The following CEP70 variants were observed in gnomAD, a reference collection of about 807,000 sequenced individuals.
CEP70 encodes centrosomal protein 70, also known as centrosomal protein of 70 kDa.
In CEP70, 70 loss-of-function variants were observed where a neutral mutation model predicts 90.9. The ratio of observed to expected loss-of-function variants is 0.77; its 90% CI spans 0.64 to 0.94. The LOEUF (loss-of-function observed/expected upper bound fraction) is 0.94. Among genes scored for constraint, CEP70 ranks in the 40% least tolerant of loss-of-function variants. The pLI is 0.00. For synonymous variants in CEP70, 220 were observed against 228.3 expected, an observed-to-expected ratio of 0.96 and a Z score of 0.33; for missense variants, 648 against 669.0, an observed-to-expected ratio of 0.97 and a Z score of 0.35.
intron 6 of CEP70, among the ~76,000 whole-genome samples, chr3:138,544,556 T>C (rs183846443): frequency 3.6e-4 from 55 of 152,222 alleles, no homozygotes; most frequent in Admixed American, 3.3e-3. Flanking sequence ...TGTGTGTATA[T>C]ATATACACAC....
intron 11 of CEP70, among the ~76,000 whole-genome samples, chr3:138,521,674 G>A (rs989671161): frequency 1.3e-5 from 2 of 149,438 alleles, no homozygotes; most frequent in African/African-American, 2.5e-5. Flanking sequence ...GAACTGAGGA[G>A]CGCCTCTGCC....
At chr3:138,541,153 G>A (rs1024496536) in intron 6 of CEP70, among the ~76,000 whole-genome samples, 1 of 152,150 alleles carries the variant, frequency 6.6e-6, no homozygotes, top group African/African-American at 2.4e-5. Context: ...CCTGGGTGAT[G>A]AAATAATCTG....
At chr3:138,566,707 G>A (rs958943858) in intron 6 of CEP70, among the ~76,000 whole-genome samples, 3 of 151,952 alleles carry the variant, frequency 2.0e-5, no homozygotes, top group African/African-American at 7.3e-5. Flanking sequence ...AATACCTAAT[G>A]TAGATGACGG....
At chr3:138,504,285 C>G (rs984096206) in intron 13 of CEP70, among the ~76,000 whole-genome samples, 3 of 152,152 alleles carry the variant, frequency 2.0e-5, no homozygotes, top group Admixed American at 1.3e-4. Flanking sequence ...TATTGTATAG[C>G]TCTGTCTGAG....
At chr3:138,523,175 C>T (rs200524493) in intron 11 of CEP70, among the ~76,000 whole-genome samples, 1 of 117,958 alleles carries the variant, frequency 8.5e-6, no homozygotes, top group African/African-American at 5.3e-5. Flanking sequence ...AATTCAACAA[C>T]CCTTCATGCT....
intron 6 of CEP70, 146 bp downstream of exon 6, chr3:138,570,172 A>C (rs2041066421): frequency 3.7e-6 from 2 of 546,318 alleles, no homozygotes; most frequent in Non-Finnish European, 6.4e-6. Context: ...GACATTCTAG[A>C]AACCAAGTGA....
Position 138,593,245 on chromosome 3 carries a change from CAG to C in CEP70, c.-109+951_-109+952del, listed in dbSNP as rs199523249. Among the ~76,000 whole-genome samples, 1,061 of 152,242 alleles carry C rather than the reference CAG, an allele frequency of 7.0e-3. 14 individuals are homozygous for C. Among genetic ancestry groups the C allele is most frequent in the African/African-American group, 0.024 (987 of 41,516 alleles). The stretch of plus-strand genomic sequence containing the variant: ...ATATATTATACATATATTTTTGAGA[CAG>C]AGTCTCGCTCCGTCACCCAGGCTGG... On this transcript the variant is annotated intron_variant, in intron 1 of 17. Coordinates refer to ENST00000264982, the MANE Select transcript of CEP70 (RefSeq NM_024491.4).
chr3:138,506,290 A>AC (rs1380019377), intron 12 of CEP70, among the ~76,000 whole-genome samples: 33 of 152,256 alleles, frequency 2.2e-4, no homozygotes, highest in African/African-American at 4.3e-4. Flanking sequence ...TCAAGGCTGC[A>AC]GTGAGCTATG....
intron 2 of CEP70, among the ~76,000 whole-genome samples, chr3:138,588,235 C>T (rs1256497969): frequency 6.6e-6 from 1 of 152,014 alleles, no homozygotes; most frequent in Non-Finnish European, 1.5e-5. Flanking sequence ...AATTCAAGAA[C>T]AAATGGGGCT....
chr3:138,529,413 TTC>T lies in CEP70; in HGVS notation c.740_741del (p.Arg247LysfsTer9). 6.2e-7 allele frequency: 1 copy of T among 1,612,524 alleles called. No homozygotes were observed. Among genetic ancestry groups the T allele is most frequent in the Non-Finnish European group, 8.5e-7 (1 of 1,179,158 alleles). Reference protein sequence around the residue: ...ESQSEEENDYRNLDASPTYKG... With the variant: ...ESQSEEENDYXNLDASPTYKG... ...TTATAAGTTGGTGAGGCATCCAGAT[TTC>T]TGTAGTCGTTTTCTTCTTCTGACTG... is the stretch of plus-strand genomic sequence containing the variant. On this transcript the variant is annotated frameshift_variant, in exon 9 of 18. Coordinates refer to ENST00000264982, the MANE Select transcript of CEP70 (RefSeq NM_024491.4). LOFTEE classifies it high-confidence loss of function.
chr3:138,515,728 TCTCTAC>T (rs1386822038), intron 11 of CEP70, among the ~76,000 whole-genome samples: 2 of 152,164 alleles, frequency 1.3e-5, no homozygotes, highest in African/African-American at 4.8e-5. Flanking sequence ...AGACTATCTA[TCTCTAC>T]GTATGTGTAA....
intron 7 of CEP70, 46 bp from the exon 8 acceptor site, chr3:138,532,616 T>C (rs748096347): frequency 9.1e-7 from 1 of 1,101,814 alleles, no homozygotes; most frequent in Admixed American, 3.1e-5. Context: ...GGTATGGTAT[T>C]ACAGCATCTA....
intron 2 of CEP70, among the ~76,000 whole-genome samples, chr3:138,578,224 C>G (rs1576921869): frequency 6.6e-6 from 1 of 152,106 alleles, no homozygotes; most frequent in South Asian, 2.1e-4. Flanking sequence ...ATATCAAAAG[C>G]TGGTGAAAAG....
intron 6 of CEP70, among the ~76,000 whole-genome samples, chr3:138,540,460 G>A (rs2038663633): frequency 6.8e-6 from 1 of 147,880 alleles, no homozygotes; most frequent in African/African-American, 2.5e-5. Context: ...CTCCAGCCTG[G>A]GCAACAGAGC....
intron 6 of CEP70, among the ~76,000 whole-genome samples, chr3:138,547,151 T>C (rs1376452551): frequency 6.6e-6 from 1 of 152,242 alleles, no homozygotes; most frequent in Non-Finnish European, 1.5e-5. Flanking sequence ...GGAGGACCTC[T>C]GCAGCCAAGT....
At chr3:138,578,481 C>T (rs1414341184) in intron 2 of CEP70, among the ~76,000 whole-genome samples, 1 of 152,140 alleles carries the variant, frequency 6.6e-6, no homozygotes, top group African/African-American at 2.4e-5. Flanking sequence ...GATGCTGGAA[C>T]CCTGTGAACA....
At position 138,532,526 on chromosome 3, in the gene CEP70, A is replaced by G; in HGVS notation, c.680T>C (p.Ile227Thr). ...GGATTACTCGTACCTTTGTGTATGA[A>G]TTTTTCTAATTTTAGATTCATAGTA... ...IDYYESKIRK[I>T]HTQRQYKEDE... is the part of the protein sequence containing the mutation. The change falls in exon 8 of 18, where the codon ATT (isoleucine) becomes ACT (threonine). Residue 227 changes from isoleucine to threonine, a missense_variant. Ile to Thr is a moderately conservative substitution (Grantham distance 89, BLOSUM62 -1). Coordinates refer to ENST00000264982, the MANE Select transcript of CEP70 (RefSeq NM_024491.4). The G allele has an allele frequency of 6.6e-7, 1 of 1,509,284 alleles. No individual in the cohort carries two copies. Among genetic ancestry groups the G allele is most frequent in the Non-Finnish European group, 8.9e-7 (1 of 1,127,366 alleles). 93.5% of individuals were successfully genotyped at this position (1,509,284 alleles called of 1,614,324 possible).
intron 2 of CEP70, among the ~76,000 whole-genome samples, chr3:138,580,873 T>A (rs903205413): frequency 1.1e-4 from 16 of 151,964 alleles, no homozygotes; most frequent in African/African-American, 3.9e-4. Context: ...GAAATGCAAC[T>A]GACATAATGA....
chr3:138,500,888 A>G lies in CEP70; in HGVS notation c.1222-7T>C. Reference sequence around the variant, plus strand: ...TCAAGGACTTATACAAATCCTTTATAACAAAAGAAACTATATGGTATTATT... The same window carrying G: ...TCAAGGACTTATACAAATCCTTTATGACAAAAGAAACTATATGGTATTATT... On this transcript the variant is annotated splice_region_variant and splice_polypyrimidine_tract_variant and intron_variant, in intron 13 of 17. Transcript: ENST00000264982. 7.0e-7 allele frequency: 1 copy of G among 1,431,224 alleles called. No individual in the cohort carries two copies. Among genetic ancestry groups the G allele is most frequent in the South Asian group, 1.6e-5 (1 of 64,276 alleles). 88.7% of individuals were successfully genotyped at this position (1,431,224 alleles called of 1,614,324 possible).
Sources: allele counts gnomAD v4.1 joint callset (sites outside exome capture counted in the v4.1 genomes callset), GRCh38; gene constraint gnomAD v4.1.1; transcripts MANE v1.5; gene names NCBI Gene and HGNC (gene_info 2026-07-23, HGNC 2026-07-21).